Variants in CAGE1 observed in about 807,000 individuals in gnomAD.
CAGE1 encodes the protein cancer-associated gene 1 protein.
In CAGE1, 66 loss-of-function variants were observed where a neutral mutation model predicts 94.9. That is an observed-to-expected ratio of 0.70 (90% CI 0.57 to 0.85). The LOEUF (loss-of-function observed/expected upper bound fraction) is 0.85. Among genes scored for constraint, CAGE1 ranks in the 40% least tolerant of loss-of-function variants. CAGE1 has a pLI of 0.00. For synonymous variants in CAGE1, 319 were observed against 321.0 expected (o/e 0.99, Z 0.07); for missense variants, 865 against 950.4 (o/e 0.91, Z 1.18).
intron 3 of CAGE1, among the ~76,000 whole-genome samples, chr6:7,385,579 G>C (rs556529422): frequency 1.3e-5 from 2 of 152,270 alleles, no homozygotes; most frequent in East Asian, 3.9e-4. Flanking sequence ...GTTACTCTCT[G>C]AGCCTTATTT....
At chr6:7,345,127 C>CTTAACT (rs1561851614) in intron 11 of CAGE1, among the ~76,000 whole-genome samples, 1 of 41,604 alleles carries the variant, frequency 2.4e-5, no homozygotes, top group Non-Finnish European at 4.4e-5. Flanking sequence ...CTCTTTAGAT[C>CTTAACT]CATATTGCTT....
At chr6:7,367,555 A>G in intron 7 of CAGE1, among the ~76,000 whole-genome samples, 1 of 152,116 alleles carries the variant, frequency 6.6e-6, no homozygotes, top group Non-Finnish European at 1.5e-5. Context: ...GATTACAGGC[A>G]TGAGCAACTG....
At chr6:7,344,142 C>T (rs1436951791) in intron 11 of CAGE1, among the ~76,000 whole-genome samples, 1 of 152,230 alleles carries the variant, frequency 6.6e-6, no homozygotes, top group Admixed American at 6.5e-5. Flanking sequence ...TTCAGCCCAC[C>T]GCTGCACTGT....
intron 11 of CAGE1, chr6:7,338,771 C>G (rs1055421410): frequency 9.6e-6 from 7 of 731,820 alleles, no homozygotes; most frequent in African/African-American, 3.5e-5. Flanking sequence ...TGTCTTTGTA[C>G]AATATTTTAT....
chr6:7,365,378 G>T, intron 9 of CAGE1, 90 bp downstream of exon 9: 1 of 1,067,728 alleles, frequency 9.4e-7, no homozygotes, highest in Non-Finnish European at 1.4e-6. Flanking sequence ...TTATAAGCCA[G>T]TTTTTTGAAG....
In CAGE1 at chr6:7,369,993, T is replaced by C. The variant is rs1326538902; in HGVS notation, c.1819A>G (p.Ile607Val). 2.5e-6 allele frequency: 4 copies of C among 1,613,868 alleles called. No individual in the cohort carries two copies. Among genetic ancestry groups the C allele is most frequent in the Non-Finnish European group, 3.4e-6 (4 of 1,179,816 alleles). Residue 607 changes from isoleucine to valine, a missense_variant, in exon 6 of 14, where the codon ATA becomes GTA. By Grantham distance (29) the Ile-to-Val change is conservative. Transcript: ENST00000502583. ...PCEERLNPADIKRASQLASKM... is the reference protein window; with the variant it reads ...PCEERLNPADVKRASQLASKM... ...GAGGCCAGCTGAGAAGCTCTTTTTA[T>C]ATCTGCAGGATTCAGCCTCTCTTCA...
chr6:7,344,636 G>A (rs192720625), intron 11 of CAGE1, among the ~76,000 whole-genome samples: 2 of 152,346 alleles, frequency 1.3e-5, no homozygotes, highest in African/African-American at 4.8e-5. Context: ...AGCTCCACCT[G>A]CAGCCCCGGT....
chr6:7,345,598 GT>G (rs1759459935), intron 11 of CAGE1, among the ~76,000 whole-genome samples: 1 of 152,164 alleles, frequency 6.6e-6, no homozygotes, highest in Admixed American at 6.5e-5. Context: ...AGCTTTCATA[GT>G]AAACAGCTGT....
In CAGE1 at chr6:7,382,591, G is replaced by A. The variant is rs140643170; in HGVS notation, c.283+3194C>T. On this transcript the variant is annotated intron_variant, in intron 3 of 13. Coordinates refer to ENST00000502583, the MANE Select transcript of CAGE1 (RefSeq NM_001170692.2). ...GCTGGGATTACAGGTATGAGCTACCGTGCCCAGCCCTGCATTTCTCATGTC... is the reference window on the plus strand; with the variant it reads ...GCTGGGATTACAGGTATGAGCTACCATGCCCAGCCCTGCATTTCTCATGTC... 4.7e-5 allele frequency among the ~76,000 whole-genome samples: 7 copies of A among 150,354 alleles called. No homozygotes were observed. The East Asian group carries it at 1.3e-3, about 27-fold the overall frequency.
intron 9 of CAGE1, among the ~76,000 whole-genome samples, chr6:7,360,776 T>A (rs1191989540): frequency 6.6e-6 from 1 of 152,136 alleles, no homozygotes; most frequent in South Asian, 2.1e-4. Flanking sequence ...AAACCCCGTC[T>A]CTACTAAAAA....
intron 9 of CAGE1, among the ~76,000 whole-genome samples, chr6:7,361,774 C>T (rs1021092228): frequency 2.6e-5 from 4 of 152,112 alleles, no homozygotes; most frequent in African/African-American, 7.2e-5. Context: ...TGTAAAATGC[C>T]AGGATGCTTG....
chr6:7,365,446 G>A (rs1554138718), intron 9 of CAGE1, 22 bp downstream of exon 9: 1 of 1,587,356 alleles, frequency 6.3e-7, no homozygotes, highest in Non-Finnish European at 8.6e-7. Context: ...ATAATAGCAA[G>A]GTAAAAAAAG....
At chr6:7,376,320 C>A (rs11757518) in intron 4 of CAGE1, among the ~76,000 whole-genome samples, 66,413 of 151,614 alleles carry the variant, frequency 0.44, 16,914 homozygotes, top group Middle Eastern at 0.6. Context: ...ACCCGGGAGG[C>A]GGAGGTTGCA....
chr6:7,387,027 A>C lies in CAGE1; in HGVS notation c.147T>G (p.His49Gln). ...SNLSQGVMLS[H>Q]SPICMETTGT... ...CGGTGGTTTCCATACAGATTGGAGA[A>C]TGTGAAAGCATTACACCTTGAGAAA... The change falls in exon 2 of 14, where the codon CAT becomes CAG. Residue 49 changes from histidine to glutamine, a missense_variant. Physicochemically the swap from His to Gln is conservative, Grantham distance 24. Transcript: ENST00000502583. 1 of 1,552,086 alleles carries C rather than the reference A, an allele frequency of 6.4e-7. No homozygotes were observed. Among genetic ancestry groups the C allele is most frequent in the Non-Finnish European group, 8.7e-7 (1 of 1,147,062 alleles).
At chr6:7,331,391 T>C (rs1455729431) in intron 12 of CAGE1, 2 of 899,590 alleles carry the variant, frequency 2.2e-6, no homozygotes, top group Non-Finnish European at 3.2e-6. Flanking sequence ...GCTACTTTAG[T>C]GCAGGGTTTC....
At chr6:7,364,388 T>C (rs1190838449) in intron 9 of CAGE1, among the ~76,000 whole-genome samples, 2 of 152,216 alleles carry the variant, frequency 1.3e-5, no homozygotes, top group African/African-American at 4.8e-5. Context: ...CCAGGGTTTA[T>C]GTTTTGTTTC....
At chr6:7,359,075 T>C (rs1247486775) in intron 9 of CAGE1, among the ~76,000 whole-genome samples, 1 of 152,150 alleles carries the variant, frequency 6.6e-6, no homozygotes, top group Non-Finnish European at 1.5e-5. Context: ...AAACGGAGTT[T>C]CGCTCTTGTT....
intron 3 of CAGE1, among the ~76,000 whole-genome samples, chr6:7,384,696 G>T (rs963940155): frequency 6.6e-6 from 1 of 151,814 alleles, no homozygotes; most frequent in Non-Finnish European, 1.5e-5. Flanking sequence ...AACAGATTTG[G>T]GGTTAAATCA....
Position 7,368,697 on chromosome 6 carries a change from TA to T in CAGE1, c.1994del (p.Leu665Ter). 6.7e-7 allele frequency: 1 copy of T among 1,483,582 alleles called. No homozygotes were observed. The highest frequency in any genetic ancestry group is 9.1e-7 in the Non-Finnish European group (1 of 1,101,218). 91.9% of individuals were successfully genotyped at this position (1,483,582 alleles called of 1,614,324 possible). Reference sequence around the variant, plus strand: ...AGAATAAATATAATACCTCTTTATCTAAAGTTTTCTTTTTAAGATGGAGGCT... The same window carrying T: ...AGAATAAATATAATACCTCTTTATCTAAGTTTTCTTTTTAAGATGGAGGCT... ...LKSLHLKKKT[L>X]DKELLKHKDR... is the part of the protein sequence containing the mutation. On this transcript the variant is annotated frameshift_variant, in exon 7 of 14. Coordinates refer to ENST00000502583, the MANE Select transcript of CAGE1 (RefSeq NM_001170692.2). LOFTEE classifies it high-confidence loss of function.
Sources: gnomAD v4.1 joint callset for allele counts (sites outside exome capture counted in the v4.1 genomes callset) on GRCh38, gnomAD v4.1.1 for gene constraint, MANE v1.5 for transcripts, NCBI Gene and HGNC (gene_info 2026-07-23, HGNC 2026-07-21) for gene names.